TFPI: variants seen among roughly 807,000 people sequenced by gnomAD.
TFPI encodes anti-convertin.
Under a neutral mutation model 34.6 loss-of-function variants are expected in TFPI, and 15 were observed. The observed-to-expected ratio is 0.43, with a 90% CI of 0.29 to 0.67. TFPI has a LOEUF of 0.67. TFPI is among the 30% of genes least tolerant of loss of function. TFPI has a pLI of 0.15. For missense variants in TFPI, 301 were observed against 364.0 expected (o/e 0.83, Z 1.41); for synonymous variants, 105 against 120.1 (o/e 0.87, Z 0.82).
rs1259349658 is a variant in TFPI, at chr2:187,512,260, T to C, written c.-2-8490A>G. ...CTCATTGTGAGCACACCTTACCAGT[T>C]CAGAAGTATCCTAAGTTAAAAAAAA... On this transcript the variant is annotated intron_variant, in intron 1 of 7. Coordinates refer to ENST00000233156, the MANE Select transcript of TFPI (RefSeq NM_006287.6). Among the ~76,000 whole-genome samples the C allele has an allele frequency of 3.5e-5, 5 of 144,550 alleles. No homozygotes were observed. The East Asian group carries it at 8.1e-4, about 23-fold the overall frequency. The allele number at this position is 144,550 out of a possible 152,430, so 94.8% of individuals were successfully genotyped here.
intron 3 of TFPI, among the ~76,000 whole-genome samples, chr2:187,492,904 T>G (rs1685216467): frequency 6.6e-6 from 1 of 152,066 alleles, no homozygotes; most frequent in Non-Finnish European, 1.5e-5. Context: ...AGTTAAGAAT[T>G]TGGGGGACTA....
intron 3 of TFPI, among the ~76,000 whole-genome samples, chr2:187,492,099 CT>C (rs2106056314): frequency 6.6e-6 from 1 of 152,142 alleles, no homozygotes; most frequent in South Asian, 2.1e-4. Context: ...AGATATTAGT[CT>C]TTTGTCCAAT....
chr2:187,484,085 A>T, intron 6 of TFPI, 39 bp downstream of exon 6: 2 of 1,531,282 alleles, frequency 1.3e-6, no homozygotes, highest in Non-Finnish European at 1.8e-6. Context: ...TAGCATGATA[A>T]TAGTTTCCTG....
intron 6 of TFPI, among the ~76,000 whole-genome samples, chr2:187,480,088 G>A (rs1229343952): frequency 5.9e-5 from 9 of 151,870 alleles, no homozygotes; most frequent in African/African-American, 1.9e-4. Context: ...CAAACTCTTC[G>A]AGTTTCCATA....
At chr2:187,539,968 G>A (rs1027542535) in intron 1 of TFPI, among the ~76,000 whole-genome samples, 1 of 148,034 alleles carries the variant, frequency 6.8e-6, no homozygotes, top group Admixed American at 6.9e-5. Flanking sequence ...GCTCGATCTC[G>A]GCTCACTGCA....
rs370012276 is a variant in TFPI at position 187,484,106 on chromosome 2, A to C, written c.628+18T>G. 2.5e-6 allele frequency: 4 copies of C among 1,607,150 alleles called. No homozygotes were observed. Among genetic ancestry groups the C allele is most frequent in the African/African-American group, 1.3e-5 (1 of 74,674 alleles). On this transcript the variant is annotated intron_variant, in intron 6 of 7. Transcript: ENST00000233156. ...GATAATAGTTTCCTGGAAGCAATAA[A>C]ATCCACAAGATTCTTACCAAAAAGG...
chr2:187,543,656 C>T (rs1465757986), intron 1 of TFPI, among the ~76,000 whole-genome samples: 1 of 152,110 alleles, frequency 6.6e-6, no homozygotes. Context: ...TAGCCTACAC[C>T]CACCTAAAGA....
chr2:187,484,956 A>G lies in TFPI; in HGVS notation c.390T>C (p.Asp130=), dbSNP rs753512380. 3 of 1,508,114 alleles carry G rather than the reference A, an allele frequency of 2.0e-6. No homozygotes were observed. The highest frequency in any genetic ancestry group is 1.8e-6 in the Non-Finnish European group (2 of 1,130,354). The allele number at this position is 1,508,114 out of a possible 1,614,324, so 93.4% of individuals were successfully genotyped here. Residue 130 remains aspartate (D), a synonymous_variant, in exon 5 of 8, where the codon GAT becomes GAC. Transcript: ENST00000233156. The stretch of plus-strand genomic sequence containing the variant: ...TAATATAACCTCGACATATTCCAGG[A>G]TCTTCTTCCAAAAAGCAGAAATCTG... ...EKPDFCFLEE[D]PGICRGYITR... is the part of the protein sequence containing the mutation.
At chr2:187,549,895 C>T (rs1417733591) in intron 1 of TFPI, among the ~76,000 whole-genome samples, 1 of 151,560 alleles carries the variant, frequency 6.6e-6, no homozygotes, top group African/African-American at 2.4e-5. Flanking sequence ...AAAAAAAAGA[C>T]AAAATATAAG....
intron 6 of TFPI, among the ~76,000 whole-genome samples, chr2:187,482,649 T>G (rs1339657665): frequency 6.6e-6 from 1 of 151,954 alleles, no homozygotes; most frequent in Non-Finnish European, 1.5e-5. Context: ...ATGCCTACAA[T>G]TTAGGGAATT....
intron 2 of TFPI, among the ~76,000 whole-genome samples, chr2:187,498,715 A>G (rs897731623): frequency 9.9e-5 from 15 of 151,844 alleles, no homozygotes; most frequent in African/African-American, 3.6e-4. Flanking sequence ...ATTTTTTTCA[A>G]TTGAAATAAA....
chr2:187,513,438 G>A (rs901971099), intron 1 of TFPI, among the ~76,000 whole-genome samples: 1 of 151,964 alleles, frequency 6.6e-6, no homozygotes, highest in African/African-American at 2.4e-5. Flanking sequence ...TTACTTATCT[G>A]GTATAAAAAT....
intron 1 of TFPI, among the ~76,000 whole-genome samples, chr2:187,512,843 T>C (rs1248249518): frequency 6.6e-6 from 1 of 152,118 alleles, no homozygotes; most frequent in Non-Finnish European, 1.5e-5. Context: ...ATAAATTAAC[T>C]GGTTGTTTAA....
At chr2:187,541,764 A>C (rs751471287) in intron 1 of TFPI, among the ~76,000 whole-genome samples, 18 of 152,220 alleles carry the variant, frequency 1.2e-4, no homozygotes, top group South Asian at 2.1e-4. Flanking sequence ...AATATCCTAG[A>C]AGTGAACTCT....
At chr2:187,478,629 C>T in intron 6 of TFPI, 14 of 1,589,108 alleles carry the variant, frequency 8.8e-6, no homozygotes, top group Non-Finnish European at 1.2e-5. Flanking sequence ...CTATCAAAGG[C>T]ATCACGTATA....
intron 1 of TFPI, among the ~76,000 whole-genome samples, chr2:187,504,935 CA>C (rs1686101406): frequency 1.3e-5 from 2 of 152,124 alleles, no homozygotes; most frequent in East Asian, 3.9e-4. Context: ...TAGTGAGATA[CA>C]TAACCTTTTT....
chr2:187,491,003 A>T (rs1685087782), intron 3 of TFPI, among the ~76,000 whole-genome samples: 3 of 151,768 alleles, frequency 2.0e-5, no homozygotes, highest in Non-Finnish European at 2.9e-5. Flanking sequence ...CTTTACAACA[A>T]TAATCTCATA....
At chr2:187,482,969 A>G (rs954819506) in intron 6 of TFPI, among the ~76,000 whole-genome samples, 5 of 152,070 alleles carry the variant, frequency 3.3e-5, no homozygotes, top group East Asian at 1.9e-4. Context: ...TCATGTTTCA[A>G]ATCCTCCTTG....
Position 187,468,048 on chromosome 2 carries a change from A to C in TFPI, c.629-116T>G, listed in dbSNP as rs1252859351. 8 of 784,834 alleles carry C rather than the reference A, an allele frequency of 1.0e-5. No individual in the cohort carries two copies. The East Asian group carries it at 2.5e-4, about 25-fold the overall frequency. The allele number at this position is 784,834 out of a possible 1,614,324, so 48.6% of individuals were successfully genotyped here. On this transcript the variant is annotated intron_variant, in intron 6 of 7. Transcript: ENST00000233156. ...CATGTGTATGTAAAACAGTAATCTG[A>C]ATAAAGGGGTATTTAATAAAATTCG... is the stretch of plus-strand genomic sequence containing the variant.
Sources: gnomAD v4.1 joint callset for allele counts (sites outside exome capture counted in the v4.1 genomes callset) on GRCh38, gnomAD v4.1.1 for gene constraint, MANE v1.5 for transcripts, NCBI Gene and HGNC (gene_info 2026-07-23, HGNC 2026-07-21) for gene names.